ANO2: variants seen among roughly 807,000 people sequenced by gnomAD.
ANO2 encodes anoctamin-2.
ANO2 carries 101 observed loss-of-function variants against 124.2 expected under a neutral mutation model. That is an observed-to-expected ratio of 0.81 (90% CI 0.69 to 0.96). The LOEUF is 0.96. Ranked by LOEUF, ANO2 falls within the 40% of genes least tolerant of loss-of-function variation. The pLI is 0.00. For synonymous variants in ANO2, 486 were observed against 482.5 expected, an observed-to-expected ratio of 1.01 and a Z score of -0.09; for missense variants, 1,293 against 1,274.5, an observed-to-expected ratio of 1.01 and a Z score of -0.22.
Position 5,787,689 on chromosome 12 carries a change from A to G in ANO2, c.1055+11818T>C, listed in dbSNP as rs530511729. ...TATTTTCCTCATCTTTGCCTGGATC[A>G]TTTTTGTTTTGACCCATCCAGCAAA... is the stretch of plus-strand genomic sequence containing the variant. On this transcript the variant is annotated intron_variant, in intron 10 of 24. Transcript: ENST00000682330. The surrounding 1 kb of genome is among the most constrained non-coding windows in gnomAD (Gnocchi z 4.2). 6.6e-6 allele frequency among the ~76,000 whole-genome samples: 1 copy of G among 152,156 alleles called. No individual in the cohort carries two copies. The highest frequency in any genetic ancestry group is 6.5e-5 in the Admixed American group (1 of 15,280).
intron 7 of ANO2, among the ~76,000 whole-genome samples, chr12:5,822,195 T>C (rs1204987650): frequency 6.6e-6 from 1 of 152,186 alleles, no homozygotes; most frequent in Non-Finnish European, 1.5e-5. Context: ...TGCAATTATA[T>C]ACTGATTCAC....
intron 1 of ANO2, among the ~76,000 whole-genome samples, chr12:5,934,250 C>T (rs1942555862): frequency 6.6e-6 from 1 of 152,180 alleles, no homozygotes; most frequent in Non-Finnish European, 1.5e-5. Flanking sequence ...CCAAGATCAC[C>T]AGCACACTCA....
rs139656443 is a variant in ANO2 at position 5,693,878 on chromosome 12, AC to A, written c.1545+38641del. On this transcript the variant is annotated intron_variant, in intron 14 of 24. Transcript: ENST00000682330. ...TGCTCAGCTGCCATGTGCCAGAGAG[AC>A]CATTCCCGGAGCAGCCCTACCAGCC... Among the ~76,000 whole-genome samples the A allele has an allele frequency of 3.4e-3, 512 of 152,244 alleles. 11 individuals are homozygous for A. The East Asian group carries it at 0.049, about 15-fold the overall frequency.
rs571890974 is a variant in ANO2 at position 5,647,806 on chromosome 12, G to A, written c.1546-5C>T. 2 of 1,603,752 alleles carry A rather than the reference G, an allele frequency of 1.2e-6. No homozygotes were observed. The highest frequency in any genetic ancestry group is 2.3e-5 in the South Asian group (2 of 88,758). On this transcript the variant is annotated splice_region_variant and splice_polypyrimidine_tract_variant and intron_variant, in intron 14 of 24. Transcript: ENST00000682330. ...GGTCAGTTTATCTTCATCATCCTGG[G>A]GAGAAACGGGAGAGTAGAGACAATC...
chr12:5,800,890 A>G lies in ANO2; in HGVS notation c.991-1319T>C, dbSNP rs116580350. Among the ~76,000 whole-genome samples, 1,032 of 152,278 alleles carry G rather than the reference A, an allele frequency of 6.8e-3. 11 individuals carry two copies. The highest frequency in any genetic ancestry group is 0.024 in the African/African-American group (977 of 41,550). On this transcript the variant is annotated intron_variant, in intron 9 of 24. Transcript: ENST00000682330. ...GATGGATGTTATTGCCAAAGAAGAG[A>G]TAGTAAGTATAGAAGATGCCTGAGG...
At chr12:5,843,748 C>A (rs1954598034) in intron 4 of ANO2, among the ~76,000 whole-genome samples, 1 of 152,146 alleles carries the variant, frequency 6.6e-6, no homozygotes, top group Non-Finnish European at 1.5e-5. Context: ...GCTGAAACAT[C>A]TCTTATCATC....
At chr12:5,607,807 C>T (rs1944295324) in intron 19 of ANO2, among the ~76,000 whole-genome samples, 3 of 152,176 alleles carry the variant, frequency 2.0e-5, no homozygotes, top group Admixed American at 2.0e-4. Flanking sequence ...GTTACTGTCT[C>T]CCGTCACCCC....
intron 1 of ANO2, 104 bp from the exon 2 acceptor site, chr12:5,922,908 C>T (rs1941784460): frequency 8.3e-7 from 1 of 1,211,506 alleles, no homozygotes; most frequent in East Asian, 3.0e-5. Context: ...GAAAATGGCC[C>T]ATTTTGCTTC....
chr12:5,793,292 G>GA (rs1308893915), intron 10 of ANO2, among the ~76,000 whole-genome samples: 1 of 152,018 alleles, frequency 6.6e-6, no homozygotes, highest in Non-Finnish European at 1.5e-5. Flanking sequence ...CCTATTCCAA[G>GA]AAAAATCAAG....
At chr12:5,721,303 A>T (rs1368829426) in intron 14 of ANO2, among the ~76,000 whole-genome samples, 3 of 152,194 alleles carry the variant, frequency 2.0e-5, no homozygotes, top group Non-Finnish European at 4.4e-5. Flanking sequence ...TGGGAGGCCC[A>T]AAGAGCAAGT....
rs1565783368 is a variant in ANO2, at chr12:5,923,074, G to GCACACATACACA, written c.23-282_23-271dup. The stretch of plus-strand genomic sequence containing the variant: ...CACACACCCACATACACACACACAT[G>GCACACATACACA]CACACATACACACACACACGCACAC... On this transcript the variant is annotated intron_variant, in intron 1 of 24. Transcript: ENST00000682330. 1.8e-4 allele frequency among the ~76,000 whole-genome samples: 6 copies of GCACACATACACA among 33,908 alleles called. No individual in the cohort carries two copies. In the South Asian group the frequency reaches 5.6e-3, roughly 31 times the overall value. 22.2% of individuals were successfully genotyped at this position (33,908 alleles called of 152,430 possible).
intron 14 of ANO2, among the ~76,000 whole-genome samples, chr12:5,701,958 T>G (rs1055223877): frequency 6.6e-6 from 1 of 152,238 alleles, no homozygotes; most frequent in Admixed American, 6.5e-5. Flanking sequence ...TATTCCTTCT[T>G]AATTTTTCAA....
chr12:5,797,867 A>C (rs936601023), intron 10 of ANO2, among the ~76,000 whole-genome samples: 1 of 152,084 alleles, frequency 6.6e-6, no homozygotes, highest in Non-Finnish European at 1.5e-5. Context: ...TGAGCTCTCC[A>C]TCCTCAGGAA....
At chr12:5,679,876 T>C (rs1461192141) in intron 14 of ANO2, among the ~76,000 whole-genome samples, 1 of 151,986 alleles carries the variant, frequency 6.6e-6, no homozygotes, top group African/African-American at 2.4e-5. Context: ...AGCAAAGACA[T>C]GGAATTAACC....
chr12:5,734,871 A>G (rs1346149917), intron 13 of ANO2, among the ~76,000 whole-genome samples: 1 of 152,112 alleles, frequency 6.6e-6, no homozygotes, highest in East Asian at 1.9e-4. Flanking sequence ...GCTGGTCTTG[A>G]ACTCCTAACC....
At chr12:5,683,082 T>C (rs1375920090) in intron 14 of ANO2, among the ~76,000 whole-genome samples, 1 of 152,154 alleles carries the variant, frequency 6.6e-6, no homozygotes, top group African/African-American at 2.4e-5. Flanking sequence ...AGAGACTGTA[T>C]ACTGTGCACT....
At chr12:5,730,208 G>A (rs988655713) in intron 14 of ANO2, among the ~76,000 whole-genome samples, 10 of 151,974 alleles carry the variant, frequency 6.6e-5, no homozygotes, top group African/African-American at 2.4e-4. Flanking sequence ...ATATTGAATT[G>A]TGCACTTTAA....
chr12:5,714,320 A>C (rs1017735653), intron 14 of ANO2, among the ~76,000 whole-genome samples: 3 of 152,188 alleles, frequency 2.0e-5, no homozygotes, highest in African/African-American at 7.2e-5. Context: ...CTATCCTCCA[A>C]ACATGGATTA....
chr12:5,689,616 C>G (rs935177299), intron 14 of ANO2, among the ~76,000 whole-genome samples: 2 of 152,098 alleles, frequency 1.3e-5, no homozygotes, highest in African/African-American at 4.8e-5. Flanking sequence ...TCTTTCCTTC[C>G]AAACTCACCT....
Sources: gnomAD v4.1 joint callset for allele counts (sites outside exome capture counted in the v4.1 genomes callset) on GRCh38, gnomAD v4.1.1 for gene constraint, Gnocchi (gnomAD v3.1) non-coding constraint, MANE v1.5 for transcripts, NCBI Gene and HGNC (gene_info 2026-07-23, HGNC 2026-07-21) for gene names.